IL1RAPL2: variants seen among roughly 807,000 people sequenced by gnomAD.
IL1RAPL2 encodes the protein interleukin 1 receptor accessory protein like 2.
In IL1RAPL2, 3 loss-of-function variants were observed where a neutral mutation model predicts 44.1. That is an observed-to-expected ratio of 0.07 (90% CI 0.03 to 0.18). The LOEUF (loss-of-function observed/expected upper bound fraction) is 0.18, where lower values mean the gene tolerates loss of function less well. IL1RAPL2 is among the 10% of genes least tolerant of loss of function. The pLI is 1.00. For missense variants in IL1RAPL2, 391 were observed against 496.4 expected, an observed-to-expected ratio of 0.79 and a Z score of 2.02; for synonymous variants, 181 against 178.8, an observed-to-expected ratio of 1.01 and a Z score of -0.10.
chrX:105,731,574 A>G (rs749758755), intron 7 of IL1RAPL2, among the ~76,000 whole-genome samples: 1 of 111,141 alleles, frequency 9.0e-6, no homozygotes, highest in African/African-American at 3.3e-5. Context: ...GTGTCCATCA[A>G]TGGGTGAATG....
chrX:105,313,065 C>T (rs1005652775), intron 5 of IL1RAPL2, among the ~76,000 whole-genome samples: 3 of 111,673 alleles, frequency 2.7e-5, no homozygotes, highest in African/African-American at 9.8e-5. Flanking sequence ...TTCAAATACA[C>T]TGACATTGTC....
chrX:105,474,269 A>G (rs2035281389), intron 5 of IL1RAPL2, among the ~76,000 whole-genome samples: 1 of 111,746 alleles, frequency 8.9e-6, no homozygotes, highest in Admixed American at 9.5e-5. Context: ...AAGGTAGAAA[A>G]GGAAAAGGAA....
intron 2 of IL1RAPL2, among the ~76,000 whole-genome samples, chrX:105,012,645 T>TCTCA (rs1287477665): frequency 0.014 from 681 of 48,253 alleles, 8 homozygotes; most frequent in East Asian, 0.028. Context: ...TCTCTCTCTC[T>TCTCA]CACACACACA....
chrX:104,655,911 G>A (rs1930246970), intron 1 of IL1RAPL2, among the ~76,000 whole-genome samples: 1 of 111,679 alleles, frequency 9.0e-6, no homozygotes, highest in Non-Finnish European at 1.9e-5. Flanking sequence ...GAGGGTGTAT[G>A]TGTCGAGGAA....
intron 6 of IL1RAPL2, among the ~76,000 whole-genome samples, chrX:105,627,963 T>G (rs527565439): frequency 9.0e-6 from 1 of 111,715 alleles, no homozygotes; most frequent in Admixed American, 9.5e-5. Context: ...TTACTTTCTC[T>G]GTTCAGGCCA....
At chrX:104,593,271 G>C (rs1928703780) in intron 1 of IL1RAPL2, among the ~76,000 whole-genome samples, 1 of 111,625 alleles carries the variant, frequency 9.0e-6, no homozygotes, top group Non-Finnish European at 1.9e-5. Context: ...GGAATTGGTA[G>C]CATTCAGGCA....
intron 2 of IL1RAPL2, among the ~76,000 whole-genome samples, chrX:105,068,820 A>C (rs956525531): frequency 8.9e-6 from 1 of 112,043 alleles, no homozygotes; most frequent in African/African-American, 3.2e-5. Flanking sequence ...AAACACGTAA[A>C]ATGGTTGATA....
At chrX:105,089,221 A>G (rs1296219124) in intron 2 of IL1RAPL2, among the ~76,000 whole-genome samples, 1 of 111,093 alleles carries the variant, frequency 9.0e-6, no homozygotes, top group Non-Finnish European at 1.9e-5. Flanking sequence ...CCATGATACT[A>G]TTTCTACATG....
rs1360187389 is a variant in IL1RAPL2, at chrX:105,767,379, A to G, written c.1779A>G (p.Ser593=). 13 of 1,210,094 alleles carry G rather than the reference A, an allele frequency of 1.1e-5. No individual in the cohort carries two copies. The highest frequency in any genetic ancestry group is 1.5e-5 in the Non-Finnish European group (13 of 895,125). ...CCTCTATTGCCATGACCAGTACTTCAGCCACTCTGGTGTCATCTCAGGCTG... is the reference window on the plus strand; with the variant it reads ...CCTCTATTGCCATGACCAGTACTTCGGCCACTCTGGTGTCATCTCAGGCTG... ...PIPSIAMTST[S]ATLVSSQADL... is the part of the protein sequence containing the mutation. The change falls in exon 11 of 11, where the codon TCA becomes TCG. Residue 593 remains serine, a synonymous_variant. Coordinates refer to ENST00000372582, the MANE Select transcript of IL1RAPL2 (RefSeq NM_017416.2).
intron 2 of IL1RAPL2, among the ~76,000 whole-genome samples, chrX:104,840,549 G>T (rs1245371008): frequency 8.9e-6 from 1 of 111,805 alleles, no homozygotes; most frequent in African/African-American, 3.3e-5. Context: ...TGTCAATTTG[G>T]GGTGGACAGT....
chrX:104,887,518 G>T (rs188950194), intron 2 of IL1RAPL2, among the ~76,000 whole-genome samples: 1 of 111,385 alleles, frequency 9.0e-6, no homozygotes, highest in East Asian at 2.8e-4. Flanking sequence ...TACAAGGAAA[G>T]GATCTCACTG....
chrX:105,767,129 C>A lies in IL1RAPL2; in HGVS notation c.1529C>A (p.Thr510Lys), dbSNP rs1431445955. 7 of 1,209,046 alleles carry A rather than the reference C, an allele frequency of 5.8e-6. No homozygotes were observed. Among genetic ancestry groups the A allele is most frequent in the Middle Eastern group, 2.3e-4 (1 of 4,370 alleles). The change falls in exon 11 of 11, where the codon ACA becomes AAA. Residue 510 changes from threonine (T) to lysine (K), a missense_variant. By Grantham distance (78) the Thr-to-Lys change is moderately conservative. Transcript: ENST00000372582. Reference sequence around the variant, plus strand: ...ATCAAAGTGATTTTGATTGAGTGTACAGAATTAAAAGGGAAAGTGAATTGC... The same window carrying A: ...ATCAAAGTGATTTTGATTGAGTGTAAAGAATTAAAAGGGAAAGTGAATTGC... ...GEIKVILIECTELKGKVNCQE... is the reference protein window; with the variant it reads ...GEIKVILIECKELKGKVNCQE...
rs754975375 is a variant in IL1RAPL2 at position 105,541,065 on chromosome X, A to G, written c.772+56678A>G. Among the ~76,000 whole-genome samples, 46 of 104,774 alleles carry G rather than the reference A, an allele frequency of 4.4e-4. 1 individual carries two copies. Among genetic ancestry groups the G allele is most frequent in the African/African-American group, 1.6e-3 (45 of 28,862 alleles). 91.0% of individuals were successfully genotyped at this position (104,774 alleles called of 115,157 possible). A position where few individuals can be genotyped will look rare whatever the true frequency, so the allele number is the denominator to read the frequency against. On this transcript the variant is annotated intron_variant, in intron 6 of 10. Transcript: ENST00000372582. ...GTCACCATCATCTCTTGCTTGAACT[A>G]GGGCAATAGCTTCCTACCTGGTCTT... is the stretch of plus-strand genomic sequence containing the variant.
chrX:104,615,696 A>G (rs1929260246), intron 1 of IL1RAPL2, among the ~76,000 whole-genome samples: 1 of 112,088 alleles, frequency 8.9e-6, no homozygotes, highest in Non-Finnish European at 1.9e-5. Flanking sequence ...AATTGTGTGC[A>G]TATATCTTTG....
chrX:104,910,220 G>A (rs1188285271), intron 2 of IL1RAPL2, among the ~76,000 whole-genome samples: 1 of 111,694 alleles, frequency 9.0e-6, no homozygotes, highest in Non-Finnish European at 1.9e-5. Context: ...GCTCGCTCAC[G>A]GTGCGCGCAC....
chrX:104,745,443 T>G (rs911741068), intron 2 of IL1RAPL2, among the ~76,000 whole-genome samples: 1 of 112,181 alleles, frequency 8.9e-6, no homozygotes, highest in African/African-American at 3.2e-5. Flanking sequence ...TTTGATTAGA[T>G]AAAAATAAAA....
intron 2 of IL1RAPL2, among the ~76,000 whole-genome samples, chrX:104,682,905 T>C (rs973230390): frequency 9.0e-6 from 1 of 111,666 alleles, no homozygotes; most frequent in African/African-American, 3.3e-5. Context: ...AAGGGTTTTA[T>C]TTTTTTAAGG....
rs745639055 is a variant in IL1RAPL2 at position 105,245,041 on chromosome X, TTGAAGA to T, written c.543+11040_543+11045del. 2.7e-5 allele frequency among the ~76,000 whole-genome samples: 3 copies of T among 111,808 alleles called. No homozygotes were observed. In the East Asian group the frequency reaches 8.5e-4, roughly 32 times the overall value. On this transcript the variant is annotated intron_variant, in intron 4 of 10. Coordinates refer to ENST00000372582, the MANE Select transcript of IL1RAPL2 (RefSeq NM_017416.2). ...CTGTTTACACCACCACTTGTTATAC[TTGAAGA>T]TGTACAGAGAAACCTTTAGGTCATA... is the stretch of plus-strand genomic sequence containing the variant.
chrX:104,966,759 C>A (rs925148350), intron 2 of IL1RAPL2, among the ~76,000 whole-genome samples: 2 of 112,158 alleles, frequency 1.8e-5, no homozygotes, highest in Non-Finnish European at 3.8e-5. Context: ...CATTGTGGAC[C>A]ATATGATTTG....
Sources: allele counts gnomAD v4.1 joint callset (sites outside exome capture counted in the v4.1 genomes callset), GRCh38; gene constraint gnomAD v4.1.1; transcripts MANE v1.5; gene names NCBI Gene and HGNC (gene_info 2026-07-23, HGNC 2026-07-21).